EBF1: variants seen among roughly 807,000 people sequenced by gnomAD.
EBF1 encodes the protein EBF transcription factor 1, also known as transcription factor COE1.
Under a neutral mutation model 68.4 loss-of-function variants are expected in EBF1, and 10 were observed. The ratio of observed to expected loss-of-function variants is 0.15; its 90% CI spans 0.09 to 0.25. The LOEUF is 0.25. Ranked by LOEUF, EBF1 falls within the 10% of genes least tolerant of loss-of-function variation. The probability of loss-of-function intolerance (pLI) is 1.00; values close to 1 mark genes in which losing one functional copy is unlikely to be tolerated. For missense variants in EBF1, 509 were observed against 794.4 expected (o/e 0.64, Z 4.32); for synonymous variants, 298 against 299.8 (o/e 0.99, Z 0.06).
At chr5:159,053,879 AG>A (rs1396101568) in intron 6 of EBF1, among the ~76,000 whole-genome samples, 1 of 152,234 alleles carries the variant, frequency 6.6e-6, no homozygotes, top group Non-Finnish European at 1.5e-5. Flanking sequence ...GCCCTTTAAA[AG>A]CTGAGGTTAA....
In EBF1 at chr5:158,796,238, C is replaced by T. The variant is rs1205251854; in HGVS notation, c.909+107G>A. The T allele has an allele frequency of 2.4e-6, 3 of 1,229,212 alleles. No homozygotes were observed. The East Asian group carries it at 8.8e-5, about 36-fold the overall frequency. 76.1% of individuals were successfully genotyped at this position (1,229,212 alleles called of 1,614,324 possible). A position where few individuals can be genotyped will look rare whatever the true frequency, so the allele number is the denominator to read the frequency against. ...AATTCTGTAGACTGAAGCTGGCCCA[C>T]CCAGAGCGGCACCACTAGAGTCTAC... On this transcript the variant is annotated intron_variant, in intron 9 of 15. Transcript: ENST00000313708.
At chr5:158,873,320 T>A (rs1797228623) in intron 6 of EBF1, among the ~76,000 whole-genome samples, 1 of 152,172 alleles carries the variant, frequency 6.6e-6, no homozygotes, top group African/African-American at 2.4e-5. Flanking sequence ...TTTTTATGCA[T>A]CACTCAACCC....
At chr5:158,933,124 C>T (rs1811242508) in intron 6 of EBF1, among the ~76,000 whole-genome samples, 1 of 151,726 alleles carries the variant, frequency 6.6e-6, no homozygotes, top group Non-Finnish European at 1.5e-5. Flanking sequence ...ACTGTCAATA[C>T]ATACATACGG....
chr5:158,867,119 G>T (rs1475865831), intron 6 of EBF1, among the ~76,000 whole-genome samples: 20 of 151,968 alleles, frequency 1.3e-4, no homozygotes, highest in Admixed American at 1.2e-3. Context: ...CAAATTTGTT[G>T]TAAGTTCTGC....
At chr5:158,796,271 A>G in intron 9 of EBF1, 74 bp downstream of exon 9, 1 of 1,450,668 alleles carries the variant, frequency 6.9e-7, no homozygotes, top group African/African-American at 1.4e-5. Flanking sequence ...TACACATTCT[A>G]TTAGAAATTC....
At chr5:159,098,519 C>T (rs1018266159) in intron 1 of EBF1, among the ~76,000 whole-genome samples, 4 of 145,900 alleles carry the variant, frequency 2.7e-5, no homozygotes, top group East Asian at 2.0e-4. Context: ...AGAAATGGGA[C>T]GAAAAAACAG....
At chr5:159,031,669 C>T (rs898586516) in intron 6 of EBF1, among the ~76,000 whole-genome samples, 1 of 152,166 alleles carries the variant, frequency 6.6e-6, no homozygotes, top group Non-Finnish European at 1.5e-5. Flanking sequence ...AGGTCGCAAA[C>T]TCACATAAAG....
intron 10 of EBF1, among the ~76,000 whole-genome samples, chr5:158,740,905 CCT>C (rs1435123390): frequency 6.6e-6 from 1 of 152,156 alleles, no homozygotes; most frequent in African/African-American, 2.4e-5. Flanking sequence ...TTCACAGTAC[CCT>C]GAGTATCTCA....
intron 6 of EBF1, among the ~76,000 whole-genome samples, chr5:159,064,858 G>T (rs979816981): frequency 3.7e-5 from 5 of 134,214 alleles, no homozygotes; most frequent in Admixed American, 3.7e-4. Flanking sequence ...CTTTTCTAAA[G>T]AACTTTTTAA....
rs1346541424 is a variant in EBF1, at chr5:159,099,655, A to G, written c.-177T>C. 1.3e-6 allele frequency: 1 copy of G among 752,162 alleles called. No homozygotes were observed. The highest frequency in any genetic ancestry group is 2.8e-5 in the South Asian group (1 of 36,330). 46.6% of individuals were successfully genotyped at this position (752,162 alleles called of 1,614,324 possible). A position where few individuals can be genotyped will look rare whatever the true frequency, so the allele number is the denominator to read the frequency against. On this transcript the variant is annotated 5_prime_UTR_variant, in exon 1 of 16. Coordinates refer to ENST00000313708, the MANE Select transcript of EBF1 (RefSeq NM_024007.5). ...AAGGCGGGCTGGAAAGCAAATTTTTAAAAAATGTAAACCTCTGCTCAAAAC... is the reference window on the plus strand; with the variant it reads ...AAGGCGGGCTGGAAAGCAAATTTTTGAAAAATGTAAACCTCTGCTCAAAAC...
At chr5:158,737,314 C>G (rs1217705596) in intron 10 of EBF1, among the ~76,000 whole-genome samples, 8 of 116,354 alleles carry the variant, frequency 6.9e-5, no homozygotes, top group Admixed American at 4.7e-4. Flanking sequence ...GACGGAGTCT[C>G]GCTCCGTCGC....
rs185956587 is a variant in EBF1, at chr5:158,751,417, T to C, written c.1037-20260A>G. On this transcript the variant is annotated intron_variant, in intron 10 of 15. Coordinates refer to ENST00000313708, the MANE Select transcript of EBF1 (RefSeq NM_024007.5). The stretch of plus-strand genomic sequence containing the variant: ...GATGCCTCTTTGGAACCTCTCCACT[T>C]ACAGGCAGAGTAAGCTGTCTGCAGA... Among the ~76,000 whole-genome samples, 416 of 152,202 alleles carry C rather than the reference T, an allele frequency of 2.7e-3. 6 individuals carry two copies. Among genetic ancestry groups the C allele is most frequent in the Non-Finnish European group, 1.7e-3 (118 of 67,960 alleles).
intron 6 of EBF1, among the ~76,000 whole-genome samples, chr5:158,912,556 C>G (rs143784486): frequency 1.6e-4 from 25 of 152,260 alleles, no homozygotes; most frequent in African/African-American, 5.8e-4. Flanking sequence ...GAACTAGAAT[C>G]CCTTGGTACA....
At chr5:158,963,659 G>A (rs993811942) in intron 6 of EBF1, among the ~76,000 whole-genome samples, 1 of 152,074 alleles carries the variant, frequency 6.6e-6, no homozygotes, top group Non-Finnish European at 1.5e-5. Context: ...TGTAACTTGG[G>A]TAGGAAAAAA....
chr5:158,805,003 G>A (rs1582047864), intron 8 of EBF1, among the ~76,000 whole-genome samples: 1 of 152,172 alleles, frequency 6.6e-6, no homozygotes, highest in Non-Finnish European at 1.5e-5. Context: ...TATACAATAA[G>A]TAAATAACTC....
chr5:159,032,946 A>G (rs994493625), intron 6 of EBF1, among the ~76,000 whole-genome samples: 1 of 152,056 alleles, frequency 6.6e-6, no homozygotes, highest in African/African-American at 2.4e-5. Flanking sequence ...TTAAAAAAAA[A>G]ATCAAGTATT....
intron 6 of EBF1, among the ~76,000 whole-genome samples, chr5:159,058,356 G>A (rs768627211): frequency 1.3e-5 from 2 of 152,222 alleles, no homozygotes; most frequent in Non-Finnish European, 2.9e-5. Context: ...GAAGCACAGA[G>A]CTAGCTTAAT....
intron 6 of EBF1, among the ~76,000 whole-genome samples, chr5:159,005,754 G>A (rs1047538438): frequency 2.0e-5 from 3 of 152,174 alleles, no homozygotes; most frequent in African/African-American, 7.2e-5. Context: ...GGACCCTTCT[G>A]AGAATTTGAT....
intron 6 of EBF1, among the ~76,000 whole-genome samples, chr5:158,965,023 A>G (rs1293745012): frequency 6.6e-6 from 1 of 152,222 alleles, no homozygotes; most frequent in African/African-American, 2.4e-5. Flanking sequence ...TGGTAACCAG[A>G]CTAGAGATAT....
Sources: gnomAD v4.1 joint callset for allele counts (sites outside exome capture counted in the v4.1 genomes callset) on GRCh38, gnomAD v4.1.1 for gene constraint, MANE v1.5 for transcripts, NCBI Gene and HGNC (gene_info 2026-07-23, HGNC 2026-07-21) for gene names.